Variants in USH2A observed in about 807,000 individuals in gnomAD.
The protein encoded by USH2A is usherin, also known as Usher syndrome 2A (autosomal recessive, mild).
Under a neutral mutation model 538.9 loss-of-function variants are expected in USH2A, and 443 were observed. The ratio of observed to expected loss-of-function variants is 0.82; its 90% CI spans 0.76 to 0.89. The LOEUF is 0.89. Ranked by LOEUF, USH2A falls within the 40% of genes least tolerant of loss-of-function variation. USH2A has a pLI of 0.00. For synonymous variants in USH2A, 2,413 were observed against 2,273.5 expected (o/e 1.06, Z -1.75); for missense variants, 6,633 against 6,324.8 (o/e 1.05, Z -1.65).
intron 9 of USH2A, among the ~76,000 whole-genome samples, chr1:216,320,721 T>C (rs955568431): frequency 6.6e-6 from 1 of 152,206 alleles, no homozygotes; most frequent in African/African-American, 2.4e-5. Flanking sequence ...AGTTACAATT[T>C]GTTCATTTGT....
chr1:216,330,930 G>A (rs1175373918), intron 4 of USH2A, among the ~76,000 whole-genome samples: 2 of 151,968 alleles, frequency 1.3e-5, no homozygotes, highest in African/African-American at 4.8e-5. Flanking sequence ...TTTAATAATA[G>A]CTAAAGGGAA....
At chr1:215,625,910 A>G (rs1656006161) in intron 71 of USH2A, 40 bp from the exon 72 acceptor site, 2 of 1,556,610 alleles carry the variant, frequency 1.3e-6, no homozygotes, top group Non-Finnish European at 8.9e-7. Context: ...CATACTTGCT[A>G]TCAATAGTAT....
At chr1:216,414,039 T>A (rs552808305) in intron 3 of USH2A, among the ~76,000 whole-genome samples, 10 of 152,242 alleles carry the variant, frequency 6.6e-5, no homozygotes, top group African/African-American at 2.4e-4. Flanking sequence ...TAAAGTAAAT[T>A]TTTTTACATA....
intron 32 of USH2A, among the ~76,000 whole-genome samples, chr1:216,001,021 CCTGA>C (rs1311299592): frequency 2.0e-5 from 3 of 152,182 alleles, no homozygotes; most frequent in African/African-American, 4.8e-5. Flanking sequence ...CTGTCCACCA[CCTGA>C]CTATTATTTG....
At chr1:216,047,136 T>C (rs1204030590) in intron 31 of USH2A, among the ~76,000 whole-genome samples, 2 of 152,170 alleles carry the variant, frequency 1.3e-5, no homozygotes, top group African/African-American at 4.8e-5. Flanking sequence ...ACTAAACATT[T>C]TTTTTAAATT....
intron 70 of USH2A, among the ~76,000 whole-genome samples, chr1:215,630,466 ATGTGTATGTG>A (rs1274139444): frequency 2.6e-5 from 3 of 114,622 alleles, no homozygotes; most frequent in African/African-American, 1.1e-4. Flanking sequence ...ATATATATGT[ATGTGTATGTG>A]TGTGTGTATA....
chr1:216,365,901 A>T (rs2038586901), intron 3 of USH2A, among the ~76,000 whole-genome samples: 1 of 152,220 alleles, frequency 6.6e-6, no homozygotes, highest in Non-Finnish European at 1.5e-5. Flanking sequence ...TTGTAGCTTG[A>T]TAACTCTTGG....
chr1:216,158,848 C>T (rs2034000132), intron 21 of USH2A, among the ~76,000 whole-genome samples: 1 of 152,106 alleles, frequency 6.6e-6, no homozygotes, highest in South Asian at 2.1e-4. Context: ...ATGAACATGG[C>T]GTAACTTTCC....
Position 216,258,753 on chromosome 1 carries a change from A to G in USH2A, c.1972-7655T>C, listed in dbSNP as rs772051933. 5.4e-4 allele frequency among the ~76,000 whole-genome samples: 82 copies of G among 152,170 alleles called. 1 individual carries two copies. The highest frequency in any genetic ancestry group is 4.0e-4 in the Non-Finnish European group (27 of 67,954). On this transcript the variant is annotated intron_variant, in intron 11 of 71. Coordinates refer to ENST00000307340, the MANE Select transcript of USH2A (RefSeq NM_206933.4). Reference sequence around the variant, plus strand: ...CATCTAGCAAACAATTATTTAATACATTTTGTCCATATTTTTATCATTTCA... The same window carrying G: ...CATCTAGCAAACAATTATTTAATACGTTTTGTCCATATTTTTATCATTTCA...
In USH2A at chr1:215,782,286, T is replaced by G. The variant is rs1661665660; in HGVS notation, c.10586-90A>C. ...TACAAATCTTAGTGTTCGGAAGAAA[T>G]GCAATACTATAGCTTTATTTAATTT... On this transcript the variant is annotated intron_variant, in intron 53 of 71. Transcript: ENST00000307340. 2.2e-6 allele frequency: 3 copies of G among 1,344,616 alleles called. No homozygotes were observed. In the Admixed American group the frequency reaches 5.3e-5, roughly 24 times the overall value. The allele number at this position is 1,344,616 out of a possible 1,614,324, so 83.3% of individuals were successfully genotyped here.
chr1:216,036,358 C>T (rs1368208291), intron 32 of USH2A, among the ~76,000 whole-genome samples: 9 of 151,900 alleles, frequency 5.9e-5, no homozygotes, highest in Admixed American at 5.2e-4. Flanking sequence ...AAAGCAATAC[C>T]AGACTCCCAT....
chr1:216,103,363 A>G (rs17026096), intron 21 of USH2A, among the ~76,000 whole-genome samples: 3,546 of 152,342 alleles, frequency 0.023, 151 homozygotes, highest in African/African-American at 0.079. Flanking sequence ...TCTCTCTTGA[A>G]CTAAGAAACA....
At chr1:215,672,458 A>G (rs2102662780) in intron 63 of USH2A, among the ~76,000 whole-genome samples, 1 of 152,206 alleles carries the variant, frequency 6.6e-6, no homozygotes, top group South Asian at 2.1e-4. Flanking sequence ...GCCGATCTCC[A>G]CCATGACAGG....
intron 30 of USH2A, among the ~76,000 whole-genome samples, chr1:216,058,194 G>C (rs538343593): frequency 7.9e-6 from 1 of 126,150 alleles, no homozygotes; most frequent in Non-Finnish European, 1.7e-5. Flanking sequence ...TGAACATCCC[G>C]CCTCTGCATT....
At chr1:215,681,677 T>C (rs1658235444) in intron 61 of USH2A, among the ~76,000 whole-genome samples, 1 of 152,202 alleles carries the variant, frequency 6.6e-6, no homozygotes, top group African/African-American at 2.4e-5. Flanking sequence ...AACAAACTGG[T>C]TAGACAAAAA....
chr1:216,216,553 G>A (rs1043146186), intron 15 of USH2A, among the ~76,000 whole-genome samples: 3 of 152,008 alleles, frequency 2.0e-5, no homozygotes, highest in Non-Finnish European at 4.4e-5. Flanking sequence ...ACCCCAAGGA[G>A]AATATGCATA....
At chr1:216,353,273 T>C (rs1282993942) in intron 4 of USH2A, among the ~76,000 whole-genome samples, 1 of 152,010 alleles carries the variant, frequency 6.6e-6, no homozygotes, top group Non-Finnish European at 1.5e-5. Context: ...CTAATCAATA[T>C]GATTATGTAT....
intron 18 of USH2A, among the ~76,000 whole-genome samples, chr1:216,197,566 C>T (rs1310167125): frequency 6.6e-6 from 1 of 152,152 alleles, no homozygotes; most frequent in Non-Finnish European, 1.5e-5. Flanking sequence ...TTCCCTTGGA[C>T]ATCAACCTAA....
chr1:215,988,687 T>C (rs532763642), intron 35 of USH2A, among the ~76,000 whole-genome samples: 1 of 152,322 alleles, frequency 6.6e-6, no homozygotes, highest in South Asian at 2.1e-4. Flanking sequence ...TGTTTTTTTC[T>C]TTAATAATGG....
Sources: gnomAD v4.1 joint callset for allele counts (sites outside exome capture counted in the v4.1 genomes callset) on GRCh38, gnomAD v4.1.1 for gene constraint, MANE v1.5 for transcripts, NCBI Gene and HGNC (gene_info 2026-07-23, HGNC 2026-07-21) for gene names.